LRBA: variants seen among roughly 807,000 people sequenced by gnomAD.
The protein encoded by LRBA is lipopolysaccharide-responsive and beige-like anchor protein.
In LRBA, 176 loss-of-function variants were observed where a neutral mutation model predicts 330.0. That is an observed-to-expected ratio of 0.53 (90% confidence interval 0.47 to 0.60). The LOEUF (loss-of-function observed/expected upper bound fraction) is 0.60. Among genes scored for constraint, LRBA ranks in the 20% least tolerant of loss-of-function variants. The pLI, the probability that LRBA is intolerant of heterozygous loss-of-function variation, is 0.00. For missense variants in LRBA, 3,259 were observed against 3,444.8 expected (o/e 0.95, Z 1.35); for synonymous variants, 1,230 against 1,193.0 (o/e 1.03, Z -0.64).
intron 2 of LRBA, among the ~76,000 whole-genome samples, chr4:150,941,124 C>A (rs76754052): frequency 6.6e-6 from 1 of 151,912 alleles, no homozygotes; most frequent in Non-Finnish European, 1.5e-5. Flanking sequence ...CTGCTACCTG[C>A]CCTAGGGATG....
intron 2 of LRBA, among the ~76,000 whole-genome samples, chr4:150,993,901 C>A (rs191584245): frequency 6.6e-6 from 1 of 151,846 alleles, no homozygotes; most frequent in Non-Finnish European, 1.5e-5. Context: ...CCCATCCCTA[C>A]TAAAAATACA....
At position 150,709,621 on chromosome 4, in the gene LRBA, G is replaced by A. The variant is rs577184965; in HGVS notation, c.5754+25637C>T. On this transcript the variant is annotated intron_variant, in intron 36 of 56. Transcript: ENST00000651943. The stretch of plus-strand genomic sequence containing the variant: ...CATTTATTGAATAATTATTTACTGA[G>A]CACCTACTATGTATAGGCAATGTAC... Among the ~76,000 whole-genome samples, 6 of 152,006 alleles carry A rather than the reference G, an allele frequency of 3.9e-5. No individual in the cohort carries two copies. The East Asian group carries it at 1.2e-3, about 29-fold the overall frequency.
intron 2 of LRBA, among the ~76,000 whole-genome samples, chr4:151,004,759 G>A (rs1200180523): frequency 6.6e-6 from 1 of 152,106 alleles, no homozygotes; most frequent in Non-Finnish European, 1.5e-5. Context: ...GCCGAGGCAG[G>A]TGGATTGCCT....
chr4:150,692,497 G>A (rs113213738), intron 36 of LRBA, among the ~76,000 whole-genome samples: 60 of 152,274 alleles, frequency 3.9e-4, no homozygotes, highest in African/African-American at 1.4e-3. Flanking sequence ...TGGGATTACA[G>A]GCATGAGCCA....
chr4:150,285,948 ACAC>A lies in LRBA; in HGVS notation c.8101_8103del (p.Val2701del), dbSNP rs1560963643. The A allele has an allele frequency of 1.9e-6, 3 of 1,583,158 alleles. No individual in the cohort carries two copies. Among genetic ancestry groups the A allele is most frequent in the Non-Finnish European group, 8.6e-7 (1 of 1,167,826 alleles). ...ACAGGTTTACCTTGTGAACCACTCA[ACAC>A]CAGGCCTAGCTCCGCACACACCGCA... On this transcript the variant is annotated inframe_deletion, in exon 54 of 57. Coordinates refer to ENST00000651943, the MANE Select transcript of LRBA (RefSeq NM_001364905.1).
In LRBA at chr4:150,282,609, C is replaced by T. The variant is rs1747681288; in HGVS notation, c.8157G>A (p.Leu2719=). 6.2e-7 allele frequency: 1 copy of T among 1,613,280 alleles called. No homozygotes were observed. The highest frequency in any genetic ancestry group is 1.3e-5 in the African/African-American group (1 of 74,998). The change falls in exon 55 of 57, where the codon TTG becomes TTA. Residue 2719 remains leucine, a synonymous_variant. Transcript: ENST00000651943. ...PCLIHSMNGD[L]LRTLEGPENC... ...TTTCAGGACCCTCCAAGGTCCTCAA[C>T]AAGTCTCCATTCATGGAATGTATGA...
intron 4 of LRBA, among the ~76,000 whole-genome samples, chr4:150,928,038 G>A (rs1734069241): frequency 6.6e-6 from 1 of 152,072 alleles, no homozygotes; most frequent in Non-Finnish European, 1.5e-5. Context: ...GTTTGATAAG[G>A]CACCTGGGGT....
At chr4:150,861,480 T>C (rs1560928821) in intron 22 of LRBA, among the ~76,000 whole-genome samples, 1 of 152,104 alleles carries the variant, frequency 6.6e-6, no homozygotes, top group African/African-American at 2.4e-5. Context: ...AATATAAACA[T>C]AGAAAAGGTA....
rs536471105 is a variant in LRBA at position 150,715,910 on chromosome 4, G to C, written c.5754+19348C>G. On this transcript the variant is annotated intron_variant, in intron 36 of 56. Coordinates refer to ENST00000651943, the MANE Select transcript of LRBA (RefSeq NM_001364905.1). ...GAAGGAAAAATCCTTATGTTTTTTA[G>C]ATGCACTAGTGACAAACACAACTAC... is the stretch of plus-strand genomic sequence containing the variant. 2.0e-5 allele frequency among the ~76,000 whole-genome samples: 3 copies of C among 152,226 alleles called. No homozygotes were observed. The East Asian group carries it at 5.8e-4, about 29-fold the overall frequency.
At chr4:150,294,357 A>G (rs534502762) in intron 53 of LRBA, among the ~76,000 whole-genome samples, 1 of 152,330 alleles carries the variant, frequency 6.6e-6, no homozygotes, top group Admixed American at 6.5e-5. Flanking sequence ...TTCTAATTAA[A>G]TGTATAGTTT....
At chr4:150,398,735 T>A (rs1036586505) in intron 47 of LRBA, among the ~76,000 whole-genome samples, 6 of 152,046 alleles carry the variant, frequency 3.9e-5, no homozygotes, top group Non-Finnish European at 8.8e-5. Context: ...CAAGTGATCA[T>A]CCCACATCAG....
intron 2 of LRBA, among the ~76,000 whole-genome samples, chr4:150,993,212 T>C (rs1227676600): frequency 6.6e-6 from 1 of 152,178 alleles, no homozygotes; most frequent in Non-Finnish European, 1.5e-5. Context: ...AACAGATAAT[T>C]AGATTTCCTA....
At chr4:150,865,375 T>C (rs1256899330) in intron 22 of LRBA, among the ~76,000 whole-genome samples, 1 of 152,212 alleles carries the variant, frequency 6.6e-6, no homozygotes, top group Non-Finnish European at 1.5e-5. Context: ...ATTATCCTTA[T>C]AGTGTGAAAG....
chr4:150,911,582 TA>T (rs1731996532), intron 9 of LRBA, among the ~76,000 whole-genome samples: 1 of 152,230 alleles, frequency 6.6e-6, no homozygotes, highest in East Asian at 1.9e-4. Context: ...AATGTGCTGT[TA>T]AATTCAATTT....
chr4:150,776,167 C>A (rs751178984), intron 34 of LRBA, among the ~76,000 whole-genome samples: 1 of 152,010 alleles, frequency 6.6e-6, no homozygotes, highest in Non-Finnish European at 1.5e-5. Flanking sequence ...AACAGTAATT[C>A]ATGGCTGGGT....
intron 36 of LRBA, chr4:150,720,999 G>C: frequency 1.9e-6 from 1 of 523,582 alleles, no homozygotes; most frequent in Middle Eastern, 6.1e-4. Context: ...GAAAGAGGGA[G>C]ATGTTAGAGA....
rs1474596690 is a variant in LRBA at position 151,014,609 on chromosome 4, G to T, written c.34C>A (p.Pro12Thr). ...ASEDNRVPSP[P>T]PTGDDGGGGG... ...CCTCCCCCGTCATCACCTGTTGGTGGCGGGGAAGGGACACGATTGTCTTCG... is the reference window on the plus strand; with the variant it reads ...CCTCCCCCGTCATCACCTGTTGGTGTCGGGGAAGGGACACGATTGTCTTCG... Residue 12 changes from proline to threonine, a missense_variant, in exon 2 of 57, where the codon CCA becomes ACA. Transcript: ENST00000651943. 6.2e-7 allele frequency: 1 copy of T among 1,608,194 alleles called. No individual in the cohort carries two copies. The highest frequency in any genetic ancestry group is 8.5e-7 in the Non-Finnish European group (1 of 1,177,062).
chr4:150,919,228 A>C (rs1351629240), intron 5 of LRBA, among the ~76,000 whole-genome samples: 2 of 152,148 alleles, frequency 1.3e-5, no homozygotes, highest in African/African-American at 4.8e-5. Flanking sequence ...AGTGGCTGCT[A>C]ATCAGTATGG....
At chr4:150,916,842 A>C in intron 5 of LRBA, 104 bp from the exon 6 acceptor site, 1 of 870,842 alleles carries the variant, frequency 1.1e-6, no homozygotes, top group South Asian at 2.5e-5. Flanking sequence ...ACTACATCAC[A>C]TTACTTTATG....
Sources: gnomAD v4.1 joint callset for allele counts (sites outside exome capture counted in the v4.1 genomes callset) on GRCh38, gnomAD v4.1.1 for gene constraint, MANE v1.5 for transcripts, NCBI Gene and HGNC (gene_info 2026-07-23, HGNC 2026-07-21) for gene names.